Variants in SUMF1 observed in about 807,000 individuals in gnomAD.
SUMF1 encodes sulfatase modifying factor 1, also known as formylglycine-generating enzyme.
Under a neutral mutation model 47.6 loss-of-function variants are expected in SUMF1, and 48 were observed. The observed-to-expected ratio is 1.01, with a 90% CI of 0.80 to 1.28. The LOEUF (loss-of-function observed/expected upper bound fraction) is 1.28, where lower values mean the gene tolerates loss of function less well. Among genes scored for constraint, SUMF1 ranks in the 50% most tolerant of loss-of-function variants. The pLI, the probability that SUMF1 is intolerant of heterozygous loss-of-function variation, is 0.00. For missense variants in SUMF1, 571 were observed against 485.4 expected, an observed-to-expected ratio of 1.18 and a Z score of -1.66; for synonymous variants, 230 against 192.1, an observed-to-expected ratio of 1.20 and a Z score of -1.63.
intron 8 of SUMF1, among the ~76,000 whole-genome samples, chr3:4,199,965 C>T (rs2629252): frequency 2.6e-5 from 4 of 151,826 alleles, no homozygotes; most frequent in Non-Finnish European, 4.4e-5. Context: ...TTGTAGAACA[C>T]AAGTTTTCAT....
chr3:4,338,756 G>T (rs1042768350), intron 8 of SUMF1, among the ~76,000 whole-genome samples: 3 of 151,962 alleles, frequency 2.0e-5, no homozygotes, highest in African/African-American at 7.3e-5. Context: ...TGTATACCTA[G>T]TACAGAGTCT....
At chr3:4,268,433 T>TA (rs1194817740) in intron 8 of SUMF1, among the ~76,000 whole-genome samples, 1 of 145,590 alleles carries the variant, frequency 6.9e-6, no homozygotes, top group Non-Finnish European at 1.5e-5. Flanking sequence ...TAAAGTATAA[T>TA]AAAAAAAGAA....
chr3:4,172,238 A>G (rs2125124625), intron 8 of SUMF1, among the ~76,000 whole-genome samples: 1 of 152,272 alleles, frequency 6.6e-6, no homozygotes, highest in Admixed American at 6.5e-5. Context: ...GTTATTAAAG[A>G]TGACTCCCAG....
At chr3:4,449,041 A>G (rs903067996) in intron 3 of SUMF1, among the ~76,000 whole-genome samples, 4 of 152,222 alleles carry the variant, frequency 2.6e-5, no homozygotes, top group African/African-American at 9.6e-5. Context: ...CACACAAGAC[A>G]GAAACTCAAG....
intron 8 of SUMF1, among the ~76,000 whole-genome samples, chr3:4,237,879 C>A (rs1696445035): frequency 1.3e-5 from 2 of 152,236 alleles, no homozygotes; most frequent in Non-Finnish European, 2.9e-5. Flanking sequence ...TTGCTGCACC[C>A]ATCAACTCAT....
At chr3:4,082,966 G>C (rs1692598663) in intron 8 of SUMF1, among the ~76,000 whole-genome samples, 1 of 152,130 alleles carries the variant, frequency 6.6e-6, no homozygotes, top group East Asian at 1.9e-4. Flanking sequence ...CTGCCTGACA[G>C]AGGTTCATAT....
At chr3:4,155,893 A>G (rs1694440978) in intron 8 of SUMF1, among the ~76,000 whole-genome samples, 1 of 151,078 alleles carries the variant, frequency 6.6e-6, no homozygotes, top group Non-Finnish European at 1.5e-5. Context: ...CCCTCCACAG[A>G]TACTCTTCAT....
At chr3:4,106,180 A>C (rs1421221601) in intron 8 of SUMF1, among the ~76,000 whole-genome samples, 1 of 152,098 alleles carries the variant, frequency 6.6e-6, no homozygotes, top group Admixed American at 6.6e-5. Flanking sequence ...GCCATAAAAA[A>C]CAAAATGAGT....
In SUMF1 at chr3:4,452,908, T is replaced by A; in HGVS notation, c.412A>T (p.Lys138Ter). 1 of 1,614,180 alleles carries A rather than the reference T, an allele frequency of 6.2e-7. No homozygotes were observed. Among genetic ancestry groups the A allele is most frequent in the Non-Finnish European group, 8.5e-7 (1 of 1,180,044 alleles). ...AAATAGCCAGTTGAGTTCACAAACT[T>A]CTCAAATTCAGTATTACTGACTTCA... Reference protein sequence around the residue: ...AYEVSNTEFEKFVNSTGYLTE... With the variant: ...AYEVSNTEFE The change falls in exon 2 of 9, where the codon AAG becomes TAG. Residue 138 changes from lysine to a stop codon, truncating the protein, a stop_gained. Transcript: ENST00000272902. LOFTEE classifies it high-confidence loss of function.
intron 1 of SUMF1, among the ~76,000 whole-genome samples, chr3:4,462,881 G>C (rs1342706837): frequency 6.6e-6 from 1 of 152,160 alleles, no homozygotes; most frequent in African/African-American, 2.4e-5. Flanking sequence ...GACATTCAAA[G>C]TTTCTTGCAG....
chr3:4,320,138 T>A (rs1698796776), intron 8 of SUMF1, among the ~76,000 whole-genome samples: 1 of 152,208 alleles, frequency 6.6e-6, no homozygotes, highest in Admixed American at 6.5e-5. Context: ...CAAAATTTTA[T>A]GTAAACAATT....
chr3:4,124,411 C>A (rs1000050676), intron 8 of SUMF1, among the ~76,000 whole-genome samples: 2 of 152,074 alleles, frequency 1.3e-5, no homozygotes, highest in African/African-American at 2.4e-5. Flanking sequence ...ATACAGACTG[C>A]AGATCTTATT....
intron 8 of SUMF1, among the ~76,000 whole-genome samples, chr3:4,168,559 C>G (rs1025845266): frequency 6.6e-6 from 1 of 152,190 alleles, no homozygotes; most frequent in Non-Finnish European, 1.5e-5. Flanking sequence ...TGGTTAAAAA[C>G]ATGGGCTTCC....
chr3:4,335,938 A>G, intron 8 of SUMF1, among the ~76,000 whole-genome samples: 1 of 136,922 alleles, frequency 7.3e-6, no homozygotes, highest in Admixed American at 7.5e-5. Context: ...TCCAGCCTGG[A>G]CAACTGAGTG....
At chr3:4,230,907 A>G (rs1227554805) in intron 8 of SUMF1, among the ~76,000 whole-genome samples, 2 of 152,150 alleles carry the variant, frequency 1.3e-5, no homozygotes, top group South Asian at 4.1e-4. Flanking sequence ...TTTATCACAT[A>G]TGGGTTCCCA....
chr3:4,302,514 A>C (rs1697994960), intron 8 of SUMF1, among the ~76,000 whole-genome samples: 1 of 152,070 alleles, frequency 6.6e-6, no homozygotes, highest in South Asian at 2.1e-4. Context: ...TATCAGACTT[A>C]AGGTGTGTGT....
chr3:4,465,352 G>A (rs2079914986), intron 1 of SUMF1, among the ~76,000 whole-genome samples: 1 of 151,994 alleles, frequency 6.6e-6, no homozygotes. Flanking sequence ...GCGTGTGCCT[G>A]TAATCCCAGC....
At chr3:4,400,150 G>A (rs2124968693) in intron 7 of SUMF1, among the ~76,000 whole-genome samples, 1 of 152,260 alleles carries the variant, frequency 6.6e-6, no homozygotes, top group Non-Finnish European at 1.5e-5. Context: ...TGAATTCCCA[G>A]AGTACCCCTC....
intron 8 of SUMF1, among the ~76,000 whole-genome samples, chr3:4,325,947 A>C (rs1698936201): frequency 6.6e-6 from 1 of 152,042 alleles, no homozygotes; most frequent in African/African-American, 2.4e-5. Context: ...TCAGCCTCCA[A>C]AGTAGCGGAG....
Sources: allele counts gnomAD v4.1 joint callset (sites outside exome capture counted in the v4.1 genomes callset), GRCh38; gene constraint gnomAD v4.1.1; transcripts MANE v1.5; gene names NCBI Gene and HGNC (gene_info 2026-07-23, HGNC 2026-07-21).